SEC16A: variants seen among roughly 807,000 people sequenced by gnomAD.
SEC16A encodes protein transport protein Sec16A.
A neutral mutation model predicts 221.9 loss-of-function variants in SEC16A; 110 were observed. The observed-to-expected ratio is 0.50, with a 90% CI of 0.42 to 0.58. The LOEUF (loss-of-function observed/expected upper bound fraction) is 0.58, where lower values mean the gene tolerates loss of function less well. Among genes scored for constraint, SEC16A ranks in the 20% least tolerant of loss-of-function variants. The probability of loss-of-function intolerance (pLI) is 0.00; values close to 1 mark genes in which losing one functional copy is unlikely to be tolerated. For synonymous variants in SEC16A, 1,393 were observed against 1,257.7 expected (o/e 1.11, Z -2.28); for missense variants, 3,165 against 3,097.8 (o/e 1.02, Z -0.52).
chr9:136,479,999 CA>C (rs11330512), intron 1 of SEC16A, among the ~76,000 whole-genome samples: 38,474 of 143,650 alleles, frequency 0.27, 5,044 homozygotes, highest in Non-Finnish European at 0.31. Context: ...GAAACTGTCT[CA>C]AAAAAAAAAA....
rs1000992506 is a variant in SEC16A at position 136,481,129 on chromosome 9, CT to C, written c.-192+1808del. On this transcript the variant is annotated intron_variant, in intron 1 of 31. Coordinates refer to ENST00000684901, the MANE Select transcript of SEC16A (RefSeq NM_014866.2). ...TGTCACCACTACAGGGAATTTTATT[CT>C]TTTTTTTTTTTTTTTTTTTTTTGAG... Among the ~76,000 whole-genome samples the C allele has an allele frequency of 2.1e-3, 188 of 87,974 alleles. 1 individual carries two copies. Among genetic ancestry groups the C allele is most frequent in the African/African-American group, 6.5e-3 (143 of 22,146 alleles). 57.7% of individuals were successfully genotyped at this position (87,974 alleles called of 152,430 possible).
rs3841203 is a variant in SEC16A, at chr9:136,447,077, CAA to C, written c.6698-130_6698-129del. On this transcript the variant is annotated intron_variant, in intron 27 of 31. Coordinates refer to ENST00000684901, the MANE Select transcript of SEC16A (RefSeq NM_014866.2). The surrounding 1 kb of genome is among the most constrained non-coding windows in gnomAD (Gnocchi z 5.5). ...CACACTCATGCAGAAACAGGCAAAT[CAA>C]AAAAAAAACCACAAACCAACCCCAG... 2.3e-5 allele frequency: 33 copies of C among 1,449,222 alleles called. No individual in the cohort carries two copies. The highest frequency in any genetic ancestry group is 9.8e-5 in the Admixed American group (4 of 40,692). The allele number at this position is 1,449,222 out of a possible 1,614,324, so 89.8% of individuals were successfully genotyped here. A position where few individuals can be genotyped will look rare whatever the true frequency, so the allele number is the denominator to read the frequency against.
At chr9:136,478,505 T>C (rs1841937131) in intron 2 of SEC16A, among the ~76,000 whole-genome samples, 1 of 152,256 alleles carries the variant, frequency 6.6e-6, no homozygotes, top group South Asian at 2.1e-4. Flanking sequence ...TCTTCCATTT[T>C]CTTTGATGAA....
rs1330365313 is a variant in SEC16A, at chr9:136,454,108, C to T, written c.6076+1G>A. Reference sequence around the variant, plus strand: ...TCGAGACAGCATCTCTGCAGCCCCACCTGGGTCTGGGCTCCTGGCTTCCTG... The same window carrying T: ...TCGAGACAGCATCTCTGCAGCCCCATCTGGGTCTGGGCTCCTGGCTTCCTG... On this transcript the variant is annotated splice_donor_variant, in intron 21 of 31. Transcript: ENST00000684901. LOFTEE classifies it high-confidence loss of function. 1 of 1,550,238 alleles carries T rather than the reference C, an allele frequency of 6.5e-7. No homozygotes were observed. The highest frequency in any genetic ancestry group is 8.7e-7 in the Non-Finnish European group (1 of 1,146,926).
chr9:136,468,541 A>G (rs760644322), intron 4 of SEC16A, 29 bp from the exon 5 acceptor site: 1 of 1,368,436 alleles, frequency 7.3e-7, no homozygotes, highest in Non-Finnish European at 1.0e-6. Context: ...CTGTTAAAAC[A>G]CAAATTACCT....
intron 23 of SEC16A, among the ~76,000 whole-genome samples, chr9:136,449,027 G>A (rs1259109178): frequency 2.6e-5 from 4 of 152,188 alleles, no homozygotes; most frequent in African/African-American, 7.2e-5. Context: ...TTTGTTCTGT[G>A]TATTTTACTG....
At position 136,463,095 on chromosome 9, in the gene SEC16A, C is replaced by T. The variant is rs775469122; in HGVS notation, c.4685G>A (p.Arg1562Gln). The stretch of plus-strand genomic sequence containing the variant: ...AGGAAGCCACACTGTTCTGTGGTCT[C>T]GTAACAGAAGCTCCGCAATGTCGGT... ...VGTDIAELLL[R>Q]DHRTVWLPGK... Residue 1562 changes from arginine to glutamine, a missense_variant, in exon 12 of 32, where the codon CGA becomes CAA. Around this residue, in one of 3 missense-constraint regions of SEC16A, gnomAD observed 1,088 missense variants for 1,089.6 expected, o/e 1.00. Transcript: ENST00000684901. The T allele has an allele frequency of 4.3e-6, 7 of 1,611,888 alleles. No individual in the cohort carries two copies. The highest frequency in any genetic ancestry group is 1.7e-5 in the Admixed American group (1 of 60,028).
intron 5 of SEC16A, 69 bp downstream of exon 5, chr9:136,468,346 C>T (rs1840410611): frequency 1.1e-6 from 1 of 939,378 alleles, no homozygotes; most frequent in African/African-American, 1.6e-5. Flanking sequence ...CTGGCCAGGG[C>T]TGCATGTCAT....
intron 5 of SEC16A, among the ~76,000 whole-genome samples, chr9:136,468,143 C>T (rs1274152912): frequency 1.3e-5 from 2 of 152,224 alleles, no homozygotes; most frequent in African/African-American, 4.8e-5. Context: ...TTATGTTCCA[C>T]TAGAAAATCA....
chr9:136,455,896 G>T lies in SEC16A; in HGVS notation c.5665-103C>A. The T allele has an allele frequency of 3.1e-6, 4 of 1,291,154 alleles. No individual in the cohort carries two copies. In the South Asian group the frequency reaches 5.7e-5, roughly 19 times the overall value. 80.0% of individuals were successfully genotyped at this position (1,291,154 alleles called of 1,614,324 possible). On this transcript the variant is annotated intron_variant, in intron 19 of 31. Coordinates refer to ENST00000684901, the MANE Select transcript of SEC16A (RefSeq NM_014866.2). ...TTGCTGTGTCCCTACTTCAGGACAG[G>T]AGGCACTCAAAGCCCTTTCTGGGGA...
chr9:136,446,834 T>G (rs1429200692), intron 28 of SEC16A, 21 bp downstream of exon 28: 2 of 1,579,094 alleles, frequency 1.3e-6, no homozygotes, highest in Non-Finnish European at 1.7e-6. Flanking sequence ...ACCTTTCCCC[T>G]TTCCCACCGT....
chr9:136,484,386 C>G (rs1006835465), upstream of SEC16A: 2 of 1,190,272 alleles, frequency 1.7e-6, no homozygotes, highest in African/African-American at 1.6e-5. Context: ...TGGGCACTAT[C>G]CTCTGTGCCC....
At chr9:136,458,057 A>G (rs1838939507) in intron 17 of SEC16A, among the ~76,000 whole-genome samples, 1 of 152,054 alleles carries the variant, frequency 6.6e-6, no homozygotes, top group African/African-American at 2.4e-5. Context: ...CCTGGGCTCA[A>G]GCAGTCCTCC....
Position 136,448,181 on chromosome 9 carries a change from GAAC to G in SEC16A, c.6313-23_6313-21del, listed in dbSNP as rs1481359213. 3 of 1,590,522 alleles carry G rather than the reference GAAC, an allele frequency of 1.9e-6. No individual in the cohort carries two copies. The highest frequency in any genetic ancestry group is 2.6e-6 in the Non-Finnish European group (3 of 1,159,736). ...TTCACCCTAAATATAAAAAACACGA[GAAC>G]AACTTTGAAAACATTATGTTCCATG... On this transcript the variant is annotated intron_variant, in intron 23 of 31. Transcript: ENST00000684901.
intron 20 of SEC16A, among the ~76,000 whole-genome samples, chr9:136,455,119 A>G (rs1460504786): frequency 6.6e-6 from 1 of 152,224 alleles, no homozygotes; most frequent in East Asian, 1.9e-4. Context: ...ACCTGCGTGC[A>G]GGCCGCGCTG....
chr9:136,475,235 G>A lies in SEC16A; in HGVS notation c.2381C>T (p.Pro794Leu), dbSNP rs147304071. The A allele has an allele frequency of 3.1e-6, 5 of 1,613,668 alleles. No individual in the cohort carries two copies. The East Asian group carries it at 8.9e-5, about 29-fold the overall frequency. ...GIGASENLENPPKMGEEEALQ... is the reference protein window; with the variant it reads ...GIGASENLENLPKMGEEEALQ... ...GGCCTCCTCCTCTCCCATTTTGGGAGGATTCTCAAGGTTCTCAGAAGCACC... is the reference window on the plus strand; with the variant it reads ...GGCCTCCTCCTCTCCCATTTTGGGAAGATTCTCAAGGTTCTCAGAAGCACC... Residue 794 changes from proline to leucine, a missense_variant, in exon 3 of 32, where the codon CCT (proline) becomes CTT (leucine). By Grantham distance (98) the Pro-to-Leu change is moderately conservative. This residue lies in a region of SEC16A where 2,030 missense variants were observed against 1,923.1 expected (regional missense o/e 1.06). Transcript: ENST00000684901. The surrounding 1 kb of genome is among the most constrained non-coding windows in gnomAD (Gnocchi z 5.0).
At position 136,476,582 on chromosome 9, in the gene SEC16A, T is replaced by C. The variant is rs1465043272; in HGVS notation, c.1034A>G (p.Asn345Ser). ...NPLARGDSPE[N>S]RTHHPLGAGA... Reference sequence around the variant, plus strand: ...AGCCCCCAGTGGGTGGTGCGTACGGTTTTCTGGGCTATCTCCCCGGGCGAG... The same window carrying C: ...AGCCCCCAGTGGGTGGTGCGTACGGCTTTCTGGGCTATCTCCCCGGGCGAG... Residue 345 changes from asparagine (N) to serine (S), a missense_variant, in exon 3 of 32, where the codon AAC (asparagine) becomes AGC (serine). Around this residue, in one of 3 missense-constraint regions of SEC16A, gnomAD observed 2,030 missense variants for 1,923.1 expected, o/e 1.06. Coordinates refer to ENST00000684901, the MANE Select transcript of SEC16A (RefSeq NM_014866.2). 6.2e-7 allele frequency: 1 copy of C among 1,605,504 alleles called. No individual in the cohort carries two copies. The highest frequency in any genetic ancestry group is 1.3e-5 in the African/African-American group (1 of 74,644).
Position 136,479,179 on chromosome 9 carries a change from A to G in SEC16A, c.-191-349T>C, listed in dbSNP as rs373465597. ...TTTAAATAAAACATAGTAGATACAA[A>G]CTTGAATAGTTAACCTGGCCTCTTA... On this transcript the variant is annotated intron_variant, in intron 1 of 31. Coordinates refer to ENST00000684901, the MANE Select transcript of SEC16A (RefSeq NM_014866.2). Among the ~76,000 whole-genome samples, 50 of 152,366 alleles carry G rather than the reference A, an allele frequency of 3.3e-4. No homozygotes were observed. The East Asian group carries it at 6.0e-3, about 18-fold the overall frequency.
Position 136,447,690 on chromosome 9 carries a change from G to A in SEC16A, c.6448-10C>T. On this transcript the variant is annotated splice_polypyrimidine_tract_variant and intron_variant, in intron 25 of 31. Transcript: ENST00000684901. The surrounding 1 kb of genome is among the most constrained non-coding windows in gnomAD (Gnocchi z 5.5). ...GGGGCGGGGCTTTCTTCTGCAGAGG[G>A]AAACACAGCTTCAGACACCCACTGT... 1 of 1,602,632 alleles carries A rather than the reference G, an allele frequency of 6.2e-7. No homozygotes were observed. The highest frequency in any genetic ancestry group is 8.5e-7 in the Non-Finnish European group (1 of 1,171,074).
Sources: gnomAD v4.1 joint callset for allele counts (sites outside exome capture counted in the v4.1 genomes callset) on GRCh38, gnomAD v4.1.1 for gene constraint, gnomAD v4.1.1 regional missense constraint, Gnocchi (gnomAD v3.1) non-coding constraint, MANE v1.5 for transcripts, NCBI Gene and HGNC (gene_info 2026-07-23, HGNC 2026-07-21) for gene names.